Variants in CCSER1 observed in about 807,000 individuals in gnomAD.
CCSER1 encodes serine-rich coiled-coil domain-containing protein 1.
Under a neutral mutation model 82.0 loss-of-function variants are expected in CCSER1, and 41 were observed. The ratio of observed to expected loss-of-function variants is 0.50; its 90% CI spans 0.39 to 0.65. The LOEUF is 0.65. CCSER1 is among the 30% of genes least tolerant of loss of function. The pLI is 0.00. For missense variants in CCSER1, 1,119 were observed against 1,064.2 expected (o/e 1.05, Z -0.72); for synonymous variants, 414 against 383.9 (o/e 1.08, Z -0.92).
intron 10 of CCSER1, among the ~76,000 whole-genome samples, chr4:91,119,475 A>G (rs895646843): frequency 6.6e-6 from 1 of 152,032 alleles, no homozygotes; most frequent in Non-Finnish European, 1.5e-5. Context: ...AGATTCTCAT[A>G]ACTTCTATAT....
chr4:91,254,652 A>G (rs1740535534), intron 10 of CCSER1, among the ~76,000 whole-genome samples: 1 of 152,128 alleles, frequency 6.6e-6, no homozygotes, highest in Admixed American at 6.5e-5. Flanking sequence ...AATGTATTTA[A>G]TAGCACTGAA....
At chr4:91,408,263 G>C (rs1227105339) in intron 10 of CCSER1, among the ~76,000 whole-genome samples, 1 of 152,174 alleles carries the variant, frequency 6.6e-6, no homozygotes, top group African/African-American at 2.4e-5. Context: ...TATGGATACA[G>C]AGACAAATAT....
chr4:90,540,939 AG>A (rs762726657), intron 5 of CCSER1, among the ~76,000 whole-genome samples: 10 of 152,128 alleles, frequency 6.6e-5, no homozygotes, highest in Admixed American at 1.3e-4. Context: ...TGCATGATAG[AG>A]GTCCAAACTA....
intron 8 of CCSER1, among the ~76,000 whole-genome samples, chr4:90,886,931 A>G (rs1026298236): frequency 6.6e-6 from 1 of 152,210 alleles, no homozygotes; most frequent in Non-Finnish European, 1.5e-5. Flanking sequence ...TCAGTATCCA[A>G]CAAGTATTAC....
chr4:90,558,913 T>C (rs919841674), intron 5 of CCSER1, among the ~76,000 whole-genome samples: 1 of 152,074 alleles, frequency 6.6e-6, no homozygotes, highest in African/African-American at 2.4e-5. Context: ...AGCCTTAGAG[T>C]TGAGATGGCC....
chr4:90,567,543 G>A (rs1779554010), intron 5 of CCSER1, among the ~76,000 whole-genome samples: 1 of 151,820 alleles, frequency 6.6e-6, no homozygotes. Context: ...GCCTGCCTCG[G>A]CCTCCCAAAG....
rs529877503 is a variant in CCSER1, at chr4:91,446,524, G to A, written c.2218-152048G>A. On this transcript the variant is annotated intron_variant, in intron 10 of 10. Coordinates refer to ENST00000509176, the MANE Select transcript of CCSER1 (RefSeq NM_001145065.2). The stretch of plus-strand genomic sequence containing the variant: ...TTTAAAACGACATTTTTAAAAGTCT[G>A]TAACCCCAGATGAATACATAACAAC... 1.3e-4 allele frequency among the ~76,000 whole-genome samples: 19 copies of A among 151,540 alleles called. 1 individual carries two copies. In the East Asian group the frequency reaches 3.7e-3, roughly 29 times the overall value.
chr4:90,774,414 C>G (rs765295363), intron 7 of CCSER1, among the ~76,000 whole-genome samples: 2 of 152,008 alleles, frequency 1.3e-5, no homozygotes, highest in African/African-American at 4.8e-5. Context: ...TTTGAAGCCT[C>G]ACACTATTAG....
At chr4:91,150,628 A>G (rs1730079175) in intron 10 of CCSER1, among the ~76,000 whole-genome samples, 1 of 152,174 alleles carries the variant, frequency 6.6e-6, no homozygotes, top group Non-Finnish European at 1.5e-5. Context: ...TTGTCATAAA[A>G]TAGCTCTTAT....
intron 10 of CCSER1, among the ~76,000 whole-genome samples, chr4:91,101,395 A>G (rs1241563759): frequency 6.6e-6 from 1 of 152,244 alleles, no homozygotes; most frequent in South Asian, 2.1e-4. Context: ...TGATAAGAGC[A>G]CATGAAAATT....
At chr4:91,370,016 T>C (rs1182441567) in intron 10 of CCSER1, among the ~76,000 whole-genome samples, 1 of 151,964 alleles carries the variant, frequency 6.6e-6, no homozygotes, top group Non-Finnish European at 1.5e-5. Flanking sequence ...ACTGAACCCT[T>C]ACTTCTAAAC....
chr4:90,201,361 A>T (rs983304330), intron 1 of CCSER1, among the ~76,000 whole-genome samples: 2 of 152,062 alleles, frequency 1.3e-5, no homozygotes, highest in East Asian at 3.9e-4. Flanking sequence ...GGTAGCAAAG[A>T]TATTATAAAA....
chr4:91,180,865 T>G (rs1056050160), intron 10 of CCSER1, among the ~76,000 whole-genome samples: 2 of 152,244 alleles, frequency 1.3e-5, no homozygotes, highest in Admixed American at 6.5e-5. Flanking sequence ...TTAGCATTGT[T>G]TCTATAGATA....
At chr4:90,820,215 T>A (rs1010000811) in intron 8 of CCSER1, among the ~76,000 whole-genome samples, 26 of 152,220 alleles carry the variant, frequency 1.7e-4, no homozygotes, top group Admixed American at 5.9e-4. Flanking sequence ...TGTGACCAGA[T>A]TTAGGTATTT....
At chr4:90,805,468 C>G (rs989578257) in intron 7 of CCSER1, among the ~76,000 whole-genome samples, 1 of 152,184 alleles carries the variant, frequency 6.6e-6, no homozygotes, top group Non-Finnish European at 1.5e-5. Context: ...AGCATTATAA[C>G]TGACCATGAT....
intron 5 of CCSER1, among the ~76,000 whole-genome samples, chr4:90,563,712 C>T (rs1186884616): frequency 3.3e-5 from 5 of 152,150 alleles, no homozygotes; most frequent in African/African-American, 9.7e-5. Context: ...ATTGATTCCA[C>T]GTCTGGCTGT....
At chr4:90,857,228 T>C (rs1346991126) in intron 8 of CCSER1, among the ~76,000 whole-genome samples, 3 of 152,124 alleles carry the variant, frequency 2.0e-5, no homozygotes, top group Admixed American at 1.3e-4. Flanking sequence ...CAAGCTGGCC[T>C]GCAGTTGTCT....
chr4:91,411,494 A>ATATATATATATAT (rs1753026981), intron 10 of CCSER1, among the ~76,000 whole-genome samples: 1 of 43,012 alleles, frequency 2.3e-5, no homozygotes, highest in African/African-American at 7.9e-5. Context: ...ATATATACAT[A>ATATATATATATAT]TATATATATA....
At chr4:91,537,597 A>G (rs975583211) in intron 10 of CCSER1, among the ~76,000 whole-genome samples, 1 of 152,044 alleles carries the variant, frequency 6.6e-6, no homozygotes, top group Non-Finnish European at 1.5e-5. Flanking sequence ...GAAGTCATTA[A>G]AGTCATATAT....
Sources: allele counts gnomAD v4.1 joint callset (sites outside exome capture counted in the v4.1 genomes callset), GRCh38; gene constraint gnomAD v4.1.1; transcripts MANE v1.5; gene names NCBI Gene and HGNC (gene_info 2026-07-23, HGNC 2026-07-21).